Variants in RBM6 observed in about 807,000 individuals in gnomAD.
RBM6 encodes RNA binding motif protein 6.
A neutral mutation model predicts 140.4 loss-of-function variants in RBM6; 23 were observed. The ratio of observed to expected loss-of-function variants is 0.16; its 90% CI spans 0.12 to 0.23. RBM6 has a LOEUF of 0.23. Ranked by LOEUF, RBM6 falls within the 10% of genes least tolerant of loss-of-function variation. The pLI is 1.00. For missense variants in RBM6, 1,139 were observed against 1,386.7 expected (o/e 0.82, Z 2.84); for synonymous variants, 439 against 475.6 (o/e 0.92, Z 1.00).
chr3:50,061,097 C>T, intron 12 of RBM6, 43 bp from the exon 13 acceptor site: 1 of 1,613,068 alleles, frequency 6.2e-7, no homozygotes, highest in Non-Finnish European at 8.5e-7. Context: ...AGGTGAATGA[C>T]CATTGGATAG....
chr3:50,062,518 A>C (rs547170322), intron 15 of RBM6, among the ~76,000 whole-genome samples: 154 of 151,166 alleles, frequency 1.0e-3, no homozygotes, highest in African/African-American at 3.7e-3. Context: ...AAAAAAAAAA[A>C]CCTCTGTTAA....
At chr3:49,940,529 G>C (rs1335509370) in intron 1 of RBM6, 2 of 155,236 alleles carry the variant, frequency 1.3e-5, no homozygotes, top group Non-Finnish European at 2.9e-5. Context: ...TTGCGGCTCT[G>C]TGCTCCTACT....
Position 49,959,188 on chromosome 3 carries a change from CT to C in RBM6, c.-66-3370del, listed in dbSNP as rs35892482. On this transcript the variant is annotated intron_variant, in intron 1 of 20. Transcript: ENST00000266022. Reference sequence around the variant, plus strand: ...ATCTGAGAATGTCTTGATTTTTTTCCTTTTTTTTTTTTTTTTTTGAGATGGA... The same window carrying C: ...ATCTGAGAATGTCTTGATTTTTTTCCTTTTTTTTTTTTTTTTTGAGATGGA... Among the ~76,000 whole-genome samples, 459 of 124,944 alleles carry C rather than the reference CT, an allele frequency of 3.7e-3. 1 individual carries two copies. The highest frequency in any genetic ancestry group is 0.025 in the East Asian group (111 of 4,436). The allele number at this position is 124,944 out of a possible 152,430, so 82.0% of individuals were successfully genotyped here.
intron 6 of RBM6, among the ~76,000 whole-genome samples, chr3:50,000,237 T>A (rs1204888106): frequency 6.6e-6 from 1 of 152,104 alleles, no homozygotes; most frequent in Non-Finnish European, 1.5e-5. Flanking sequence ...GAATCCTTCT[T>A]GTTATGGTGC....
chr3:50,004,024 A>C (rs1048433032), intron 6 of RBM6, among the ~76,000 whole-genome samples: 3 of 152,116 alleles, frequency 2.0e-5, no homozygotes, highest in African/African-American at 7.2e-5. Flanking sequence ...GAGGGGAGTA[A>C]GAAGTATTGT....
At chr3:50,040,459 AAAAAAAAAAAAAAT>A (rs1330379709) in intron 6 of RBM6, among the ~76,000 whole-genome samples, 3 of 47,686 alleles carry the variant, frequency 6.3e-5, no homozygotes, top group African/African-American at 2.0e-4. Context: ...AAAAAAAAAA[AAAAAAAAAAAAAAT>A]ATATATATAT....
At chr3:50,062,436 A>G (rs1304090899) in intron 15 of RBM6, among the ~76,000 whole-genome samples, 5 of 151,760 alleles carry the variant, frequency 3.3e-5, no homozygotes, top group African/African-American at 9.7e-5. Flanking sequence ...CCCTGGAGGC[A>G]GAGGTTGCAG....
chr3:49,968,521 G>A lies in RBM6; in HGVS notation c.1096G>A (p.Asp366Asn). 1.2e-6 allele frequency: 2 copies of A among 1,614,196 alleles called. No homozygotes were observed. The highest frequency in any genetic ancestry group is 2.2e-5 in the South Asian group (2 of 91,080). Residue 366 changes from aspartate (D) to asparagine (N), a missense_variant, in exon 3 of 21, where the codon GAC (aspartate) becomes AAC (asparagine). By Grantham distance (23) the Asp-to-Asn change is conservative. This residue lies in a region of RBM6 where 566 missense variants were observed against 612.7 expected (regional missense o/e 0.92). Coordinates refer to ENST00000266022, the MANE Select transcript of RBM6 (RefSeq NM_005777.3). ...TCAGAACAGCCAAAGTCCAGTTCAA[G>A]ACCAAGATAAGTCACAGCTTTCTGG... ...DFQNSQSPVQ[D>N]QDKSQLSGRE...
At chr3:50,060,433 C>T (rs1450066908) in intron 11 of RBM6, among the ~76,000 whole-genome samples, 1 of 152,046 alleles carries the variant, frequency 6.6e-6, no homozygotes, top group African/African-American at 2.4e-5. Flanking sequence ...TTTTGCTCCA[C>T]CACTTGGCTT....
intron 7 of RBM6, among the ~76,000 whole-genome samples, chr3:50,052,035 A>G (rs1313135462): frequency 6.6e-6 from 1 of 152,156 alleles, no homozygotes; most frequent in Non-Finnish European, 1.5e-5. Context: ...AAATCATTGA[A>G]TTGTACACAT....
intron 6 of RBM6, among the ~76,000 whole-genome samples, chr3:50,020,399 T>A (rs1341019680): frequency 1.3e-5 from 2 of 152,204 alleles, no homozygotes; most frequent in Non-Finnish European, 2.9e-5. Flanking sequence ...TATTTTCTTC[T>A]GCTTACTTTT....
intron 4 of RBM6, among the ~76,000 whole-genome samples, chr3:49,974,143 T>G (rs974586988): frequency 4.0e-5 from 6 of 151,560 alleles, no homozygotes; most frequent in Non-Finnish European, 8.8e-5. Context: ...ATGATCCGCC[T>G]GTCTCGGCCT....
At chr3:49,983,362 T>C (rs2085398075) in intron 5 of RBM6, among the ~76,000 whole-genome samples, 1 of 152,018 alleles carries the variant, frequency 6.6e-6, no homozygotes, top group African/African-American at 2.4e-5. Context: ...TGTGGTGATG[T>C]GTGCGTGTAG....
intron 13 of RBM6, 39 bp downstream of exon 13, chr3:50,061,260 C>G (rs1050780346): frequency 6.2e-7 from 1 of 1,612,480 alleles, no homozygotes; most frequent in South Asian, 1.1e-5. Flanking sequence ...CTCTTTTTTG[C>G]TTGACTTGCT....
intron 5 of RBM6, among the ~76,000 whole-genome samples, chr3:49,990,510 A>C (rs2085770845): frequency 1.3e-5 from 2 of 152,252 alleles, no homozygotes; most frequent in African/African-American, 4.8e-5. Context: ...TAAGCAGCAC[A>C]TGGCTGTAAT....
intron 5 of RBM6, among the ~76,000 whole-genome samples, chr3:49,976,735 A>T (rs1644874207): frequency 6.6e-6 from 1 of 152,286 alleles, no homozygotes; most frequent in South Asian, 2.1e-4. Context: ...GTATTCATTG[A>T]CTTTCTAATT....
intron 8 of RBM6, among the ~76,000 whole-genome samples, chr3:50,057,449 G>T (rs1363661127): frequency 2.6e-5 from 4 of 151,914 alleles, no homozygotes; most frequent in African/African-American, 9.7e-5. Flanking sequence ...TTACCTGGGC[G>T]TGGTGGTGGG....
chr3:49,948,820 A>G (rs1194621793), intron 1 of RBM6, among the ~76,000 whole-genome samples: 1 of 143,596 alleles, frequency 7.0e-6, no homozygotes, highest in African/African-American at 2.5e-5. Context: ...GACTATTTAC[A>G]TACCCAATTT....
At chr3:50,014,979 G>A (rs926908504) in intron 6 of RBM6, among the ~76,000 whole-genome samples, 3 of 142,642 alleles carry the variant, frequency 2.1e-5, no homozygotes, top group African/African-American at 7.8e-5. Context: ...AACCCAGAAG[G>A]TGGAGGTTGC....
Sources: allele counts gnomAD v4.1 joint callset (sites outside exome capture counted in the v4.1 genomes callset), GRCh38; gene constraint gnomAD v4.1.1; regional missense constraint gnomAD v4.1.1; transcripts MANE v1.5; gene names NCBI Gene and HGNC (gene_info 2026-07-23, HGNC 2026-07-21).